Variants in PDGFRA observed in about 807,000 individuals in gnomAD.
PDGFRA encodes the protein platelet derived growth factor receptor alpha.
In PDGFRA, 25 loss-of-function variants were observed where a neutral mutation model predicts 121.5. The ratio of observed to expected loss-of-function variants is 0.21; its 90% CI spans 0.15 to 0.29. The LOEUF is 0.29. Ranked by LOEUF, PDGFRA falls within the 10% of genes least tolerant of loss-of-function variation. PDGFRA has a pLI of 1.00. For synonymous variants in PDGFRA, 463 were observed against 494.8 expected, an observed-to-expected ratio of 0.94 and a Z score of 0.85; for missense variants, 1,008 against 1,345.1, an observed-to-expected ratio of 0.75 and a Z score of 3.92.
intron 11 of PDGFRA, 74 bp downstream of exon 11, chr4:54,274,699 G>C (rs2110297816): frequency 6.9e-7 from 1 of 1,440,956 alleles, no homozygotes; most frequent in Non-Finnish European, 9.8e-7. Context: ...TTCAGTGCTT[G>C]GCACAGAGAA....
Position 54,263,707 on chromosome 4 carries a change from T to C in PDGFRA, c.408T>C (p.Tyr136=), listed in dbSNP as rs754676420. ...TTGTACCTCTAGGAATGACGGATTA[T>C]TTAGTCATCGTGGAGGATGATGATT... is the stretch of plus-strand genomic sequence containing the variant. ...VAFVPLGMTD[Y]LVIVEDDDSA... is the part of the protein sequence containing the mutation. Residue 136 remains tyrosine (Y), a synonymous_variant, in exon 4 of 23, where the codon TAT becomes TAC. Transcript: ENST00000257290. 6.2e-7 allele frequency: 1 copy of C among 1,613,874 alleles called. No homozygotes were observed.
At chr4:54,243,923 TG>T (rs1721461998) in intron 1 of PDGFRA, among the ~76,000 whole-genome samples, 1 of 152,218 alleles carries the variant, frequency 6.6e-6, no homozygotes, top group Non-Finnish European at 1.5e-5. Context: ...ATCCCGCACA[TG>T]GCTCAGAGGG....
At chr4:54,269,152 G>A (rs1723192559) in intron 7 of PDGFRA, among the ~76,000 whole-genome samples, 1 of 152,092 alleles carries the variant, frequency 6.6e-6, no homozygotes, top group South Asian at 2.1e-4. Context: ...CAGCATCCTA[G>A]TGTGCCCCAG....
At chr4:54,267,776 T>C (rs530577459) in intron 7 of PDGFRA, 35 bp downstream of exon 7, 1 of 1,573,780 alleles carries the variant, frequency 6.4e-7, no homozygotes, top group Non-Finnish European at 8.7e-7. Context: ...TGCCTTTTTT[T>C]AGTGTGCATC....
intron 4 of PDGFRA, 78 bp from the exon 5 acceptor site, chr4:54,264,841 A>C: frequency 7.1e-7 from 1 of 1,411,760 alleles, no homozygotes; most frequent in South Asian, 1.3e-5. Context: ...TCTTAAAAAA[A>C]AAAAAAAAAA....
chr4:54,280,750 A>G (rs372777747), intron 16 of PDGFRA: 13 of 256,834 alleles, frequency 5.1e-5, no homozygotes, highest in Middle Eastern at 2.5e-3. Context: ...TTCCTGCAGT[A>G]AACATTTTTT....
intron 1 of PDGFRA, among the ~76,000 whole-genome samples, chr4:54,238,490 A>G (rs1183832638): frequency 6.6e-6 from 1 of 152,182 alleles, no homozygotes; most frequent in Admixed American, 6.5e-5. Flanking sequence ...GGCTCACTCC[A>G]TTGTATGAGT....
At chr4:54,286,087 T>A in intron 18 of PDGFRA, 124 bp downstream of exon 18, 1 of 1,003,432 alleles carries the variant, frequency 1.0e-6, no homozygotes. Context: ...AAGGGGTCAG[T>A]ACACTGCCTT....
chr4:54,233,063 C>T (rs537318222), intron 1 of PDGFRA, among the ~76,000 whole-genome samples: 3 of 152,152 alleles, frequency 2.0e-5, no homozygotes, highest in Non-Finnish European at 4.4e-5. Context: ...CGCTCTCCCC[C>T]CTCTCTCCAC....
chr4:54,257,177 A>G (rs1270841256), intron 1 of PDGFRA, among the ~76,000 whole-genome samples: 3 of 152,170 alleles, frequency 2.0e-5, no homozygotes, highest in Non-Finnish European at 4.4e-5. Flanking sequence ...GCTAAAAGAT[A>G]CCACCAGCAC....
At chr4:54,245,682 C>G (rs1375250591) in intron 1 of PDGFRA, among the ~76,000 whole-genome samples, 1 of 152,012 alleles carries the variant, frequency 6.6e-6, no homozygotes, top group Non-Finnish European at 1.5e-5. Context: ...CAGCTAACAT[C>G]ATAATGACAG....
At chr4:54,251,139 C>T (rs1458800786) in intron 1 of PDGFRA, among the ~76,000 whole-genome samples, 1 of 151,578 alleles carries the variant, frequency 6.6e-6, no homozygotes, top group Non-Finnish European at 1.5e-5. Flanking sequence ...AAATAAACTT[C>T]CAGGATTCTC....
At chr4:54,246,862 CAA>C (rs201183794) in intron 1 of PDGFRA, among the ~76,000 whole-genome samples, 40 of 143,330 alleles carry the variant, frequency 2.8e-4, no homozygotes, top group African/African-American at 9.4e-4. Context: ...CAAATAGACG[CAA>C]AAAAAAAAAT....
intron 1 of PDGFRA, among the ~76,000 whole-genome samples, chr4:54,257,187 C>T (rs1577699574): frequency 6.6e-6 from 1 of 152,170 alleles, no homozygotes; most frequent in African/African-American, 2.4e-5. Context: ...ACCACCAGCA[C>T]CATGACAGTT....
chr4:54,272,667 C>T (rs1723471712), intron 9 of PDGFRA, 147 bp downstream of exon 9: 1 of 852,768 alleles, frequency 1.2e-6, no homozygotes, highest in East Asian at 2.6e-5. Flanking sequence ...TCATGAATAG[C>T]TGTGAGAAGA....
At chr4:54,248,580 G>A (rs1319464654) in intron 1 of PDGFRA, among the ~76,000 whole-genome samples, 2 of 152,184 alleles carry the variant, frequency 1.3e-5, no homozygotes, top group African/African-American at 4.8e-5. Context: ...ATGGATTAAA[G>A]ACTTAAACGT....
intron 2 of PDGFRA, 29 bp from the exon 3 acceptor site, chr4:54,261,066 T>A (rs1299921828): frequency 3.7e-6 from 6 of 1,602,306 alleles, no homozygotes; most frequent in Non-Finnish European, 5.1e-6. Flanking sequence ...TCTGACTGCA[T>A]CCTATTCAGA....
In PDGFRA at chr4:54,277,119, G is replaced by A. The variant is rs1316926; in HGVS notation, c.1787-269G>A. On this transcript the variant is annotated intron_variant, in intron 12 of 22. Transcript: ENST00000257290. The stretch of plus-strand genomic sequence containing the variant: ...GCCCAGCACGGAGCTGGTAGACAGC[G>A]CGCTCACACCAGGGAGGGCTGCACC... 219,153 of 486,868 alleles carry A rather than the reference G, an allele frequency of 0.45. 51,530 individuals carry two copies. The highest frequency in any genetic ancestry group is 0.53 in the Middle Eastern group (925 of 1,744). 30.2% of individuals were successfully genotyped at this position (486,868 alleles called of 1,614,324 possible).
intron 16 of PDGFRA, 151 bp from the exon 17 acceptor site, chr4:54,285,220 A>G: frequency 1.5e-6 from 1 of 651,750 alleles, no homozygotes; most frequent in East Asian, 2.7e-5. Context: ...CTAAGATAGA[A>G]TCTTTGCATA....
Sources: gnomAD v4.1 joint callset for allele counts (sites outside exome capture counted in the v4.1 genomes callset) on GRCh38, gnomAD v4.1.1 for gene constraint, MANE v1.5 for transcripts, NCBI Gene and HGNC (gene_info 2026-07-23, HGNC 2026-07-21) for gene names.